Variants in DGLUCY observed in about 807,000 individuals in gnomAD.
The protein encoded by DGLUCY is D-glutamate cyclase, also known as D-glutamate cyclase, mitochondrial.
A neutral mutation model predicts 58.5 loss-of-function variants in DGLUCY; 58 were observed. That is an observed-to-expected ratio of 0.99 (90% CI 0.80 to 1.23). The LOEUF is 1.23. DGLUCY is among the 50% of genes most tolerant of loss of function. The pLI, the probability that DGLUCY is intolerant of heterozygous loss-of-function variation, is 0.00. For missense variants in DGLUCY, 779 were observed against 784.7 expected (o/e 0.99, Z 0.09); for synonymous variants, 325 against 314.1 (o/e 1.03, Z -0.37).
chr14:91,164,221 A>G (rs999984839), intron 3 of DGLUCY, among the ~76,000 whole-genome samples: 1 of 152,194 alleles, frequency 6.6e-6, no homozygotes, highest in Non-Finnish European at 1.5e-5. Flanking sequence ...AAGTGCTGGG[A>G]TTACAGGTGT....
intron 12 of DGLUCY, among the ~76,000 whole-genome samples, chr14:91,206,623 T>C (rs1370591985): frequency 6.6e-6 from 1 of 152,086 alleles, no homozygotes; most frequent in East Asian, 1.9e-4. Context: ...CCTCAGGTGA[T>C]CCACCCACCT....
chr14:91,060,598 C>A, exon 1 of DGLUCY: 7 of 955,378 alleles, frequency 7.3e-6, no homozygotes, highest in Non-Finnish European at 9.5e-6. Context: ...CCGCACGGCT[C>A]GCTCCTCGCC....
At chr14:91,157,022 G>GATGAATGT (rs1397835175) in intron 1 of DGLUCY, among the ~76,000 whole-genome samples, 1 of 152,156 alleles carries the variant, frequency 6.6e-6, no homozygotes, top group African/African-American at 2.4e-5. Context: ...TGGATGAATG[G>GATGAATGT]CTGGGTGAAT....
intron 13 of DGLUCY, chr14:91,220,690 G>A (rs1016787907): frequency 1.1e-5 from 5 of 455,770 alleles, no homozygotes; most frequent in African/African-American, 2.0e-5. Flanking sequence ...GCTCTCCCCT[G>A]CCTATTGCAA....
At chr14:91,186,241 C>G (rs758937735) in intron 8 of DGLUCY, among the ~76,000 whole-genome samples, 4 of 151,572 alleles carry the variant, frequency 2.6e-5, no homozygotes, top group Non-Finnish European at 5.9e-5. Flanking sequence ...TGTTGTTATT[C>G]TTCTCCTCGC....
intron 8 of DGLUCY, among the ~76,000 whole-genome samples, chr14:91,182,078 T>TC (rs2049214975): frequency 6.6e-6 from 1 of 151,966 alleles, no homozygotes; most frequent in South Asian, 2.1e-4. Context: ...TCTCCCGGGT[T>TC]CAAGTGATTC....
At chr14:91,210,696 T>A (rs1022952125) in intron 12 of DGLUCY, among the ~76,000 whole-genome samples, 5 of 152,004 alleles carry the variant, frequency 3.3e-5, no homozygotes, top group African/African-American at 1.2e-4. Flanking sequence ...TTCAGCAAAC[T>A]AGAAATAGAG....
intron 1 of DGLUCY, among the ~76,000 whole-genome samples, chr14:91,150,116 G>T (rs2047235097): frequency 6.6e-6 from 1 of 151,128 alleles, no homozygotes; most frequent in Non-Finnish European, 1.5e-5. Flanking sequence ...CTACTCAGGA[G>T]GCTGTGGCAG....
chr14:91,183,655 G>T (rs887260320), intron 8 of DGLUCY, among the ~76,000 whole-genome samples: 1 of 152,144 alleles, frequency 6.6e-6, no homozygotes, highest in Non-Finnish European at 1.5e-5. Flanking sequence ...GTGACTCTAC[G>T]TGGAGGCAGC....
chr14:91,097,749 C>T (rs946829394), intron 1 of DGLUCY, among the ~76,000 whole-genome samples: 4 of 151,540 alleles, frequency 2.6e-5, no homozygotes, highest in South Asian at 2.1e-4. Flanking sequence ...TCTTGGCTCA[C>T]TGCAACCTCC....
chr14:91,063,176 T>G (rs780724641), intron 1 of DGLUCY, among the ~76,000 whole-genome samples: 14 of 152,042 alleles, frequency 9.2e-5, no homozygotes, highest in Non-Finnish European at 2.1e-4. Flanking sequence ...AATGAGTAGG[T>G]TTTAACCAGG....
chr14:91,101,863 T>A (rs181084733), intron 1 of DGLUCY, among the ~76,000 whole-genome samples: 2 of 152,262 alleles, frequency 1.3e-5, no homozygotes, highest in East Asian at 3.9e-4. Context: ...TCCAGCTAAT[T>A]TTTTATTTTT....
chr14:91,090,039 G>A (rs1462410091), intron 1 of DGLUCY, among the ~76,000 whole-genome samples: 2 of 152,150 alleles, frequency 1.3e-5, no homozygotes, highest in Admixed American at 1.3e-4. Context: ...CTACTGAGGT[G>A]CACAAGTGGG....
intron 8 of DGLUCY, among the ~76,000 whole-genome samples, chr14:91,182,087 T>A (rs2049215679): frequency 6.6e-6 from 1 of 152,080 alleles, no homozygotes; most frequent in East Asian, 1.9e-4. Context: ...TTCAAGTGAT[T>A]CTCCTGCCTC....
At chr14:91,195,192 A>G (rs1434711481) in intron 9 of DGLUCY, among the ~76,000 whole-genome samples, 2 of 152,108 alleles carry the variant, frequency 1.3e-5, no homozygotes. Flanking sequence ...TGGGTCCAAG[A>G]CACCCTGCTC....
chr14:91,076,373 A>G (rs985328377), intron 1 of DGLUCY, among the ~76,000 whole-genome samples: 6 of 152,216 alleles, frequency 3.9e-5, no homozygotes, highest in African/African-American at 1.4e-4. Flanking sequence ...TAGGCTACTT[A>G]TAATACCTAA....
intron 3 of DGLUCY, among the ~76,000 whole-genome samples, chr14:91,165,557 CTG>C (rs1436251361): frequency 6.6e-6 from 1 of 152,226 alleles, no homozygotes; most frequent in African/African-American, 2.4e-5. Flanking sequence ...TCTGTGAACA[CTG>C]TGAGCCAGCT....
chr14:91,127,212 A>G (rs149612324), intron 1 of DGLUCY, among the ~76,000 whole-genome samples: 369 of 152,024 alleles, frequency 2.4e-3, no homozygotes, highest in African/African-American at 8.3e-3. Flanking sequence ...ATGTGCCACC[A>G]TGCCTGGGTA....
chr14:91,196,274 A>G (rs10144502), intron 9 of DGLUCY, 101 bp from the exon 10 acceptor site: 21,326 of 830,048 alleles, frequency 0.026, 1,103 homozygotes, highest in African/African-American at 0.17. Context: ...TTGTTCAACA[A>G]CAGTAATGAT....
Sources: gnomAD v4.1 joint callset for allele counts (sites outside exome capture counted in the v4.1 genomes callset) on GRCh38, gnomAD v4.1.1 for gene constraint, MANE v1.5 for transcripts, NCBI Gene and HGNC (gene_info 2026-07-23, HGNC 2026-07-21) for gene names.